RHOBTB2: variants seen among roughly 807,000 people sequenced by gnomAD.
The protein encoded by RHOBTB2 is rho-related BTB domain-containing protein 2.
RHOBTB2 carries 39 observed loss-of-function variants against 66.5 expected under a neutral mutation model. The ratio of observed to expected loss-of-function variants is 0.59; its 90% CI spans 0.45 to 0.77. The LOEUF is 0.77. RHOBTB2 is among the 30% of genes least tolerant of loss of function. The pLI is 0.00. For missense variants in RHOBTB2, 755 were observed against 999.1 expected (o/e 0.76, Z 3.29); for synonymous variants, 390 against 395.0 (o/e 0.99, Z 0.15).
At position 23,006,388 on chromosome 8, in the gene RHOBTB2, A is replaced by C. The variant is rs1563291062; in HGVS notation, c.482+243A>C. The C allele has an allele frequency of 1.8e-6, 1 of 554,448 alleles. No individual in the cohort carries two copies. Among genetic ancestry groups the C allele is most frequent in the South Asian group, 2.6e-5 (1 of 38,146 alleles). The allele number at this position is 554,448 out of a possible 1,614,324, so 34.3% of individuals were successfully genotyped here. ...ATAGAGAGGAAGAGGTGATATTTGC[A>C]TGAAAAAGTCCTATAATTTTGCTGA... is the stretch of plus-strand genomic sequence containing the variant. On this transcript the variant is annotated intron_variant, in intron 4 of 9. Coordinates refer to ENST00000251822, the MANE Select transcript of RHOBTB2 (RefSeq NM_015178.3). The surrounding 1 kb of genome is among the most constrained non-coding windows in gnomAD (Gnocchi z 6.1).
the RHOBTB2 span, among the ~76,000 whole-genome samples, chr8:22,956,814 C>A: frequency 1.3e-5 from 2 of 152,176 alleles, no homozygotes; most frequent in Non-Finnish European, 2.9e-5. Context: ...GCATGCACCA[C>A]CATGCCCGGC....
upstream of RHOBTB2, chr8:22,999,491 C>T (rs1034432792): frequency 2.7e-5 from 27 of 985,124 alleles, no homozygotes; most frequent in Non-Finnish European, 3.2e-5. Context: ...CTTCTTCCCC[C>T]GCCCGCCCCC....
chr8:23,000,202 T>G, intron 1 of RHOBTB2, 97 bp downstream of exon 1: 18 of 814,610 alleles, frequency 2.2e-5, no homozygotes, highest in African/African-American at 3.7e-5. Flanking sequence ...CCTCGCTACG[T>G]TCCCCGGGCC....
In RHOBTB2 at chr8:23,008,007, C is replaced by G; in HGVS notation, c.1516C>G (p.Leu506Val). 1.9e-6 allele frequency: 3 copies of G among 1,613,806 alleles called. No homozygotes were observed. The highest frequency in any genetic ancestry group is 2.5e-6 in the Non-Finnish European group (3 of 1,179,852). ...CTTCTGGACAGATGTGACCTTCATCCTGGATGATGGCACCATCAGCGCCCA... is the reference window on the plus strand; with the variant it reads ...CTTCTGGACAGATGTGACCTTCATCGTGGATGATGGCACCATCAGCGCCCA... ...KGTFSDVTFI[L>V]DDGTISAHKP... Residue 506 changes from leucine to valine, a missense_variant, in exon 6 of 10, where the codon CTG (leucine) becomes GTG (valine). By Grantham distance (32) the Leu-to-Val change is conservative. Around this residue, in one of 7 missense-constraint regions of RHOBTB2, gnomAD observed 353 missense variants for 458.2 expected, o/e 0.77. Coordinates refer to ENST00000251822, the MANE Select transcript of RHOBTB2 (RefSeq NM_015178.3).
chr8:22,981,986 G>T, the RHOBTB2 span, among the ~76,000 whole-genome samples: 14 of 152,308 alleles, frequency 9.2e-5, no homozygotes, highest in South Asian at 1.2e-3. Flanking sequence ...AGGATCTTAA[G>T]GCCCTCAATG....
At position 23,004,300 on chromosome 8, in the gene RHOBTB2, T is replaced by G; in HGVS notation, c.-10-125T>G. 1.3e-6 allele frequency: 1 copy of G among 799,756 alleles called. No individual in the cohort carries two copies. Among genetic ancestry groups the G allele is most frequent in the Non-Finnish European group, 2.1e-6 (1 of 480,628 alleles). 49.5% of individuals were successfully genotyped at this position (799,756 alleles called of 1,614,324 possible). ...GCCCAGAACGTTGCCCACTCCTTCC[T>G]CCTCCTGTCAGCTCCGGGGCTTGCA... is the stretch of plus-strand genomic sequence containing the variant. On this transcript the variant is annotated intron_variant, in intron 1 of 9. Coordinates refer to ENST00000251822, the MANE Select transcript of RHOBTB2 (RefSeq NM_015178.3). The surrounding 1 kb of genome is among the most constrained non-coding windows in gnomAD (Gnocchi z 6.4).
Position 23,020,011 on chromosome 8 carries a change from A to AAAAC in RHOBTB2, c.*2544_*2547dup, listed in dbSNP as rs1811454938. 1 of 315,568 alleles carries AAAAC rather than the reference A, an allele frequency of 3.2e-6. No homozygotes were observed. The highest frequency in any genetic ancestry group is 2.2e-5 in the African/African-American group (1 of 45,734). 19.5% of individuals were successfully genotyped at this position (315,568 alleles called of 1,614,324 possible). A position where few individuals can be genotyped will look rare whatever the true frequency, so the allele number is the denominator to read the frequency against. On this transcript the variant is annotated 3_prime_UTR_variant, in exon 10 of 10. Coordinates refer to ENST00000251822, the MANE Select transcript of RHOBTB2 (RefSeq NM_015178.3). ...AAACACCCCCAGGAGGCCAAGCCTGAAAACAGAGGGGAGGGAGGAAGGAAG... is the reference window on the plus strand; with the variant it reads ...AAACACCCCCAGGAGGCCAAGCCTGAAAACAAACAGAGGGGAGGGAGGAAGGAAG...
rs955484094 is a variant in RHOBTB2 at position 23,019,392 on chromosome 8, A to T, written c.*1923A>T. 7.2e-5 allele frequency: 11 copies of T among 152,860 alleles called. No individual in the cohort carries two copies. The highest frequency in any genetic ancestry group is 5.9e-4 in the Admixed American group (9 of 15,290). 9.5% of individuals were successfully genotyped at this position (152,860 alleles called of 1,614,324 possible). ...CTCCAGGGCGGCTGGCTGGAAAGCC[A>T]CGCGTATGCTGCCCTCTACAGGCTG... On this transcript the variant is annotated 3_prime_UTR_variant, in exon 10 of 10. Transcript: ENST00000251822.
chr8:22,973,453 C>T, the RHOBTB2 span, among the ~76,000 whole-genome samples: 4 of 152,006 alleles, frequency 2.6e-5, no homozygotes, highest in South Asian at 2.1e-4. Flanking sequence ...AGGCTGGTCT[C>T]GAACTCCTGG....
At chr8:22,960,510 G>C in the RHOBTB2 span, among the ~76,000 whole-genome samples, 1 of 151,970 alleles carries the variant, frequency 6.6e-6, no homozygotes, top group African/African-American at 2.4e-5. Flanking sequence ...GTAGAGGTGG[G>C]GTTTCACCAT....
the RHOBTB2 span, among the ~76,000 whole-genome samples, chr8:22,977,128 A>G: frequency 6.6e-6 from 1 of 152,020 alleles, no homozygotes; most frequent in Admixed American, 6.6e-5. Flanking sequence ...CCACTATTTA[A>G]CTCAGTTTCC....
chr8:22,957,651 G>A, the RHOBTB2 span, among the ~76,000 whole-genome samples: 1 of 152,202 alleles, frequency 6.6e-6, no homozygotes, highest in Non-Finnish European at 1.5e-5. Context: ...GTTCATTTCT[G>A]TAACAGGGCA....
chr8:23,004,105 A>G lies in RHOBTB2; in HGVS notation c.-10-320A>G. ...GTGAGCTGCCCTCTCTGGAGAGGGG[A>G]CAGGGCAGGGCCTCGGCAAGCTCCA... is the stretch of plus-strand genomic sequence containing the variant. On this transcript the variant is annotated intron_variant, in intron 1 of 9. Coordinates refer to ENST00000251822, the MANE Select transcript of RHOBTB2 (RefSeq NM_015178.3). This position sits in a 1 kb window ranked among gnomAD's most constrained non-coding sequence, Gnocchi z 6.4. 1 of 391,512 alleles carries G rather than the reference A, an allele frequency of 2.6e-6. No homozygotes were observed. Among genetic ancestry groups the G allele is most frequent in the South Asian group, 2.2e-5 (1 of 44,962 alleles). The allele number at this position is 391,512 out of a possible 1,614,324, so 24.3% of individuals were successfully genotyped here. A position where few individuals can be genotyped will look rare whatever the true frequency, so the allele number is the denominator to read the frequency against.
chr8:23,004,190 G>A lies in RHOBTB2; in HGVS notation c.-10-235G>A, dbSNP rs572915027. ...GCACAGCTGGAGGATCGTGGGAGCAGGAAGGGGACAGGTGGCCCATCTGGT... is the reference window on the plus strand; with the variant it reads ...GCACAGCTGGAGGATCGTGGGAGCAAGAAGGGGACAGGTGGCCCATCTGGT... On this transcript the variant is annotated intron_variant, in intron 1 of 9. Coordinates refer to ENST00000251822, the MANE Select transcript of RHOBTB2 (RefSeq NM_015178.3). The surrounding 1 kb of genome is among the most constrained non-coding windows in gnomAD (Gnocchi z 6.4). The A allele has an allele frequency of 1.6e-5, 9 of 557,140 alleles. No homozygotes were observed. Among genetic ancestry groups the A allele is most frequent in the African/African-American group, 1.5e-4 (8 of 53,090 alleles). 34.5% of individuals were successfully genotyped at this position (557,140 alleles called of 1,614,324 possible). A position where few individuals can be genotyped will look rare whatever the true frequency, so the allele number is the denominator to read the frequency against.
Position 23,000,148 on chromosome 8 carries a change from G to A in RHOBTB2, c.-11+43G>A, listed in dbSNP as rs1056308503. On this transcript the variant is annotated intron_variant, in intron 1 of 9. Transcript: ENST00000251822. ...TGCGGTTATGGCGGGGTGGCCAGCA[G>A]CCCTTGCAGACGCGCCGCTCCGCCC... The A allele has an allele frequency of 1.0e-4, 98 of 984,742 alleles. 1 individual carries two copies. The African/African-American group carries it at 1.6e-3, about 16-fold the overall frequency. The allele number at this position is 984,742 out of a possible 1,614,324, so 61.0% of individuals were successfully genotyped here.
intron 2 of RHOBTB2, 133 bp from the exon 3 acceptor site, chr8:23,005,239 G>A (rs373577009): frequency 3.4e-5 from 22 of 653,642 alleles, no homozygotes; most frequent in East Asian, 3.0e-4. Context: ...CACAGTGGGC[G>A]ATGCCAGCCT....
At chr8:23,005,865 G>A (rs566000223) in intron 3 of RHOBTB2, 95 bp from the exon 4 acceptor site, 3 of 1,151,378 alleles carry the variant, frequency 2.6e-6, no homozygotes, top group Admixed American at 4.0e-5. Context: ...TAAGCCAGGT[G>A]TGGGACTGTA....
chr8:22,953,946 C>G, the RHOBTB2 span, among the ~76,000 whole-genome samples: 9 of 152,190 alleles, frequency 5.9e-5, no homozygotes, highest in African/African-American at 2.2e-4. Flanking sequence ...ATAAAATGGT[C>G]TAAACACTTG....
At chr8:22,956,763 G>A in the RHOBTB2 span, among the ~76,000 whole-genome samples, 2 of 152,150 alleles carry the variant, frequency 1.3e-5, no homozygotes, top group Non-Finnish European at 2.9e-5. Context: ...CCGGATTCAG[G>A]CAACTCTCCC....
Sources: allele counts gnomAD v4.1 joint callset (sites outside exome capture counted in the v4.1 genomes callset), GRCh38; gene constraint gnomAD v4.1.1; regional missense constraint gnomAD v4.1.1; non-coding constraint Gnocchi (gnomAD v3.1); transcripts MANE v1.5; gene names NCBI Gene and HGNC (gene_info 2026-07-23, HGNC 2026-07-21).